CD8B: variants seen among roughly 807,000 people sequenced by gnomAD.
CD8B encodes the protein T-cell surface glycoprotein CD8 beta chain.
Under a neutral mutation model 24.2 loss-of-function variants are expected in CD8B, and 6 were observed. The observed-to-expected ratio is 0.25, with a 90% CI of 0.14 to 0.49. The LOEUF (loss-of-function observed/expected upper bound fraction) is 0.49. Among genes scored for constraint, CD8B ranks in the 20% least tolerant of loss-of-function variants. The pLI, the probability that CD8B is intolerant of heterozygous loss-of-function variation, is 0.98. For synonymous variants in CD8B, 84 were observed against 108.3 expected, an observed-to-expected ratio of 0.78 and a Z score of 1.39; for missense variants, 196 against 271.3, an observed-to-expected ratio of 0.72 and a Z score of 1.95.
intron 5 of CD8B, 180 bp downstream of exon 5, chr2:86,844,742 A>C: frequency 1.3e-6 from 2 of 1,532,152 alleles, no homozygotes; most frequent in East Asian, 4.9e-5. Context: ...TCCTGGGCTC[A>C]AGTGATCCTC....
downstream of CD8B, among the ~76,000 whole-genome samples, chr2:86,837,609 C>T (rs1251788666): frequency 1.5e-5 from 2 of 134,502 alleles, no homozygotes; most frequent in East Asian, 2.6e-4. Context: ...TTGCAGCCCA[C>T]GCGGGGTCGG....
chr2:86,853,601 C>A (rs1025633335), intron 2 of CD8B, among the ~76,000 whole-genome samples: 8 of 152,230 alleles, frequency 5.3e-5, no homozygotes, highest in Non-Finnish European at 1.2e-4. Context: ...GGGGTGAGGG[C>A]CTAGAGATGG....
intron 5 of CD8B, among the ~76,000 whole-genome samples, chr2:86,824,336 C>A (rs1674595557): frequency 6.6e-6 from 1 of 152,106 alleles, no homozygotes; most frequent in African/African-American, 2.4e-5. Flanking sequence ...CAGCCCGAAA[C>A]CCCCATTTTG....
chr2:86,823,159 C>G (rs1674542654), intron 5 of CD8B, among the ~76,000 whole-genome samples: 1 of 152,066 alleles, frequency 6.6e-6, no homozygotes, highest in Non-Finnish European at 1.5e-5. Flanking sequence ...CAGGTAACCG[C>G]TATGATATTT....
chr2:86,851,284 T>A (rs961419423), intron 3 of CD8B, among the ~76,000 whole-genome samples: 16 of 152,108 alleles, frequency 1.1e-4, no homozygotes, highest in African/African-American at 3.9e-4. Flanking sequence ...GGTTGTTTCT[T>A]TCTATCACTG....
downstream of CD8B, among the ~76,000 whole-genome samples, chr2:86,837,030 G>A (rs1213187138): frequency 6.6e-6 from 1 of 152,120 alleles, no homozygotes; most frequent in Non-Finnish European, 1.5e-5. Flanking sequence ...GGTAGTGCAT[G>A]CCCATAGTCC....
At position 86,858,248 on chromosome 2, in the gene CD8B, G is replaced by A. The variant is rs765982501; in HGVS notation, c.212C>T (p.Ala71Val). 4 of 1,613,920 alleles carry A rather than the reference G, an allele frequency of 2.5e-6. No individual in the cohort carries two copies. The highest frequency in any genetic ancestry group is 1.7e-5 in the Admixed American group (1 of 59,992). Residue 71 changes from alanine to valine, a missense_variant, in exon 2 of 6, where the codon GCC (alanine) becomes GTC (valine). Transcript: ENST00000390655. ...PSSDSHHEFL[A>V]LWDSAKGTIH... ...AGTCCCTTTTGCGGAATCCCAGAGG[G>A]CCAGGAACTCGTGGTGACTGTCACT...
At chr2:86,826,721 T>C (rs1476388486) in intron 5 of CD8B, among the ~76,000 whole-genome samples, 4 of 152,210 alleles carry the variant, frequency 2.6e-5, no homozygotes, top group African/African-American at 9.6e-5. Context: ...CTCGCCCAAG[T>C]ACACTGTGGG....
At chr2:86,848,614 G>A (rs537694265) in intron 3 of CD8B, among the ~76,000 whole-genome samples, 2 of 151,796 alleles carry the variant, frequency 1.3e-5, no homozygotes, top group East Asian at 1.9e-4. Context: ...AAGGAAGAGA[G>A]AGAATTTTTA....
rs1675436712 is a variant in CD8B, at chr2:86,841,761, C to A, written c.*546G>T. 2.0e-5 allele frequency: 20 copies of A among 985,474 alleles called. No individual in the cohort carries two copies. Among genetic ancestry groups the A allele is most frequent in the African/African-American group, 3.5e-5 (2 of 57,240 alleles). The allele number at this position is 985,474 out of a possible 1,614,324, so 61.0% of individuals were successfully genotyped here. A position where few individuals can be genotyped will look rare whatever the true frequency, so the allele number is the denominator to read the frequency against. On this transcript the variant is annotated 3_prime_UTR_variant, in exon 6 of 6. Coordinates refer to ENST00000390655, the MANE Select transcript of CD8B (RefSeq NM_004931.5). ...TATCCTCAAACCCGCAAGTTCCCGG[C>A]CCCAAAGGAAGCCCTCAGAGACTGA...
chr2:86,849,948 C>T (rs1456895763), intron 3 of CD8B, among the ~76,000 whole-genome samples: 2 of 152,124 alleles, frequency 1.3e-5, no homozygotes, highest in African/African-American at 4.8e-5. Context: ...AGGTTATCCA[C>T]CAGCTTTGGC....
At chr2:86,834,880 G>A (rs1193968996), downstream of CD8B, among the ~76,000 whole-genome samples, 3 of 145,540 alleles carry the variant, frequency 2.1e-5, no homozygotes, top group Non-Finnish European at 3.0e-5. Context: ...AGGTTGCAGT[G>A]AGCCAAGATC....
downstream of CD8B, among the ~76,000 whole-genome samples, chr2:86,835,441 C>T (rs184661217): frequency 1.1e-4 from 17 of 152,244 alleles, no homozygotes; most frequent in East Asian, 3.9e-4. Context: ...GATCCGAAGG[C>T]AGGCCCGCCT....
chr2:86,856,034 C>G lies in CD8B; in HGVS notation c.403+2023G>C, dbSNP rs576556952. Among the ~76,000 whole-genome samples the G allele has an allele frequency of 5.9e-5, 9 of 152,330 alleles. No individual in the cohort carries two copies. The East Asian group carries it at 1.7e-3, about 29-fold the overall frequency. ...GGGCCTGAAAAAGGCCCTGTCTTTC[C>G]CCAAACACTTTCTCAACCATCCCAG... is the stretch of plus-strand genomic sequence containing the variant. On this transcript the variant is annotated intron_variant, in intron 2 of 5. Transcript: ENST00000390655.
intron 2 of CD8B, among the ~76,000 whole-genome samples, chr2:86,853,681 T>C (rs990358349): frequency 1.2e-4 from 18 of 152,220 alleles, no homozygotes; most frequent in Admixed American, 6.5e-5. Context: ...CCTACACCTC[T>C]GATTTATTTA....
At chr2:86,817,480 G>A (rs1228107173) in intron 5 of CD8B, among the ~76,000 whole-genome samples, 2 of 151,978 alleles carry the variant, frequency 1.3e-5, no homozygotes, top group Non-Finnish European at 2.9e-5. Context: ...CATCAACACA[G>A]GTAAATCTCA....
At chr2:86,857,826 G>C (rs1209833978) in intron 2 of CD8B, among the ~76,000 whole-genome samples, 1 of 152,198 alleles carries the variant, frequency 6.6e-6, no homozygotes, top group Admixed American at 6.5e-5. Flanking sequence ...AAGTGGTTAG[G>C]TAATAGACCT....
intron 5 of CD8B, among the ~76,000 whole-genome samples, chr2:86,844,207 C>T (rs1253105720): frequency 2.6e-5 from 4 of 151,576 alleles, no homozygotes; most frequent in Admixed American, 2.6e-4. Context: ...GGTCCCAGCC[C>T]AGCCCAGGGT....
intron 5 of CD8B, among the ~76,000 whole-genome samples, chr2:86,818,995 G>C (rs1674364266): frequency 6.6e-6 from 1 of 152,170 alleles, no homozygotes; most frequent in Non-Finnish European, 1.5e-5. Flanking sequence ...AGTTTTAGTG[G>C]TCTGGGTAAA....
Sources: allele counts gnomAD v4.1 joint callset (sites outside exome capture counted in the v4.1 genomes callset), GRCh38; gene constraint gnomAD v4.1.1; transcripts MANE v1.5; gene names NCBI Gene and HGNC (gene_info 2026-07-23, HGNC 2026-07-21).